ADGRL2: variants seen among roughly 807,000 people sequenced by gnomAD.
ADGRL2 encodes calcium-independent alpha-latrotoxin receptor 2.
A neutral mutation model predicts 157.4 loss-of-function variants in ADGRL2; 44 were observed. That is an observed-to-expected ratio of 0.28 (90% CI 0.22 to 0.36). ADGRL2 has a LOEUF of 0.36. Ranked by LOEUF, ADGRL2 falls within the 10% of genes least tolerant of loss-of-function variation. The pLI is 1.00. For missense variants in ADGRL2, 1,510 were observed against 1,768.9 expected, an observed-to-expected ratio of 0.85 and a Z score of 2.63; for synonymous variants, 585 against 624.7, an observed-to-expected ratio of 0.94 and a Z score of 0.95.
chr1:81,869,672 C>T (rs1557811991), intron 2 of ADGRL2, among the ~76,000 whole-genome samples: 2 of 151,736 alleles, frequency 1.3e-5, no homozygotes, highest in Non-Finnish European at 2.9e-5. Flanking sequence ...ATGTCAGTCA[C>T]ATTGATCATC....
chr1:81,762,713 T>C (rs940119660), intron 2 of ADGRL2, among the ~76,000 whole-genome samples: 1 of 151,964 alleles, frequency 6.6e-6, no homozygotes, highest in Admixed American at 6.6e-5. Flanking sequence ...TGTGCGCTTA[T>C]ATAGACAGAG....
intron 3 of ADGRL2, among the ~76,000 whole-genome samples, chr1:81,611,416 G>T (rs1381490464): frequency 6.6e-6 from 1 of 151,868 alleles, no homozygotes; most frequent in Non-Finnish European, 1.5e-5. Context: ...TTTTAAACTG[G>T]GTAAAACTGC....
At chr1:81,451,168 C>T (rs1222045400) in intron 2 of ADGRL2, among the ~76,000 whole-genome samples, 2 of 152,106 alleles carry the variant, frequency 1.3e-5, no homozygotes, top group Non-Finnish European at 2.9e-5. Flanking sequence ...TTTCTCAAAT[C>T]TTTATTGTAC....
chr1:81,608,459 C>G (rs764700347), intron 3 of ADGRL2, among the ~76,000 whole-genome samples: 4 of 152,136 alleles, frequency 2.6e-5, no homozygotes, highest in Non-Finnish European at 4.4e-5. Flanking sequence ...TAATAAACAT[C>G]ACAGGGAAAA....
At chr1:81,382,875 C>T (rs571832203) in intron 1 of ADGRL2, among the ~76,000 whole-genome samples, 60 of 152,304 alleles carry the variant, frequency 3.9e-4, no homozygotes, top group African/African-American at 1.4e-3. Context: ...ATGAGGATTT[C>T]AACTAACATT....
intron 1 of ADGRL2, among the ~76,000 whole-genome samples, chr1:81,437,131 T>C (rs1453046977): frequency 6.6e-6 from 1 of 152,246 alleles, no homozygotes; most frequent in Admixed American, 6.5e-5. Flanking sequence ...AATTTCACTA[T>C]CCAGTCTATT....
At chr1:81,496,305 A>T (rs936415391) in intron 2 of ADGRL2, among the ~76,000 whole-genome samples, 1 of 152,216 alleles carries the variant, frequency 6.6e-6, no homozygotes, top group African/African-American at 2.4e-5. Flanking sequence ...CCTTTTATGC[A>T]TGGCAAGTTG....
chr1:81,554,320 T>C (rs1488615820), intron 2 of ADGRL2, among the ~76,000 whole-genome samples: 2 of 152,168 alleles, frequency 1.3e-5, no homozygotes, highest in African/African-American at 4.8e-5. Flanking sequence ...TCTCCTGGTT[T>C]CACCCCAGTC....
intron 3 of ADGRL2, among the ~76,000 whole-genome samples, chr1:81,603,375 G>A (rs2081372429): frequency 1.3e-5 from 2 of 152,114 alleles, no homozygotes; most frequent in African/African-American, 4.8e-5. Flanking sequence ...GAATGCATGT[G>A]TGTGTGATGA....
At chr1:81,941,181 C>A (rs980015630) in intron 4 of ADGRL2, among the ~76,000 whole-genome samples, 1 of 150,414 alleles carries the variant, frequency 6.6e-6, no homozygotes, top group Non-Finnish European at 1.5e-5. Context: ...ATTTTGCTTA[C>A]TTTTTTTATA....
At chr1:81,665,766 A>G (rs1319834632) in intron 3 of ADGRL2, among the ~76,000 whole-genome samples, 2 of 152,138 alleles carry the variant, frequency 1.3e-5, no homozygotes, top group African/African-American at 4.8e-5. Context: ...CATTTCTAGG[A>G]TACTATGACT....
At chr1:81,606,689 C>A (rs916566743) in intron 3 of ADGRL2, among the ~76,000 whole-genome samples, 2 of 152,108 alleles carry the variant, frequency 1.3e-5, no homozygotes, top group Non-Finnish European at 2.9e-5. Context: ...GTCTCTCACA[C>A]ACATACACCC....
intron 2 of ADGRL2, among the ~76,000 whole-genome samples, chr1:81,867,930 CTT>C (rs2093589644): frequency 6.6e-6 from 1 of 151,928 alleles, no homozygotes; most frequent in African/African-American, 2.4e-5. Context: ...CTTATAGACT[CTT>C]TGGAGAATCT....
At chr1:81,984,374 C>T (rs577739574) in intron 19 of ADGRL2, 1 of 426,328 alleles carries the variant, frequency 2.3e-6, no homozygotes, top group Non-Finnish European at 4.2e-6. Flanking sequence ...AAAGACTCTA[C>T]TAGCCAGTCT....
intron 2 of ADGRL2, among the ~76,000 whole-genome samples, chr1:81,495,916 C>G (rs1285024976): frequency 6.6e-6 from 1 of 152,142 alleles, no homozygotes; most frequent in Non-Finnish European, 1.5e-5. Context: ...ACATCCATTG[C>G]TCTTTGTCAA....
At chr1:81,967,894 T>C (rs1657606060) in intron 13 of ADGRL2, 132 bp from the exon 14 acceptor site, 2 of 708,394 alleles carry the variant, frequency 2.8e-6, no homozygotes, top group South Asian at 1.8e-5. Context: ...GTCCACAATT[T>C]TGCTGATGAA....
chr1:81,722,832 T>G, intron 1 of ADGRL2: 1 of 706,578 alleles, frequency 1.4e-6, no homozygotes, highest in Non-Finnish European at 2.6e-6. Flanking sequence ...CTTTTCCAGG[T>G]GGCTTTCCTG....
chr1:81,367,560 C>CT (rs890865547), intron 1 of ADGRL2, among the ~76,000 whole-genome samples: 8 of 152,066 alleles, frequency 5.3e-5, no homozygotes, highest in Admixed American at 2.0e-4. Flanking sequence ...TTGTTTCTTT[C>CT]TTTTTTTTCT....
chr1:81,793,575 A>G (rs2087448279), intron 2 of ADGRL2, among the ~76,000 whole-genome samples: 1 of 152,084 alleles, frequency 6.6e-6, no homozygotes, highest in African/African-American at 2.4e-5. Flanking sequence ...CTCAGTATAT[A>G]AGGTACAATA....
Sources: gnomAD v4.1 joint callset for allele counts (sites outside exome capture counted in the v4.1 genomes callset) on GRCh38, gnomAD v4.1.1 for gene constraint, MANE v1.5 for transcripts, NCBI Gene and HGNC (gene_info 2026-07-23, HGNC 2026-07-21) for gene names.